LOC728743: variants seen among roughly 807,000 people sequenced by gnomAD.
the LOC728743 span, among the ~76,000 whole-genome samples, chr7:150,401,174 ATTTC>A: frequency 6.6e-6 from 1 of 152,170 alleles, no homozygotes; most frequent in African/African-American, 2.4e-5. Flanking sequence ...TCATCCTTGT[ATTTC>A]TTTGTTAGGA....
the LOC728743 span, among the ~76,000 whole-genome samples, chr7:150,409,703 G>T: frequency 2.6e-5 from 4 of 152,214 alleles, no homozygotes; most frequent in South Asian, 8.3e-4. Context: ...GTGTTTGAAG[G>T]GGACATGGCA....
At chr7:150,412,068 A>G in the LOC728743 span, 5 of 152,412 alleles carry the variant, frequency 3.3e-5, no homozygotes, top group Admixed American at 6.5e-5. Flanking sequence ...CTAACTAGAC[A>G]GTTAGCTCCC....
the LOC728743 span, chr7:150,408,587 G>A: frequency 5.5e-6 from 1 of 182,054 alleles, no homozygotes; most frequent in Non-Finnish European, 1.1e-5. Flanking sequence ...GGCGGTCTGG[G>A]TACCGGGCTG....
At chr7:150,403,995 G>C in the LOC728743 span, among the ~76,000 whole-genome samples, 1 of 152,222 alleles carries the variant, frequency 6.6e-6, no homozygotes, top group Non-Finnish European at 1.5e-5. This position sits in a 1 kb window ranked among gnomAD's most constrained non-coding sequence, Gnocchi z 5.1. Flanking sequence ...AGAAGGCACA[G>C]TGGGCACCTG....
chr7:150,407,917 C>T, the LOC728743 span: 3 of 414,526 alleles, frequency 7.2e-6, no homozygotes, highest in Non-Finnish European at 8.6e-6. Flanking sequence ...CCGAGTGCGG[C>T]CGCTGCTTCA....
the LOC728743 span, chr7:150,408,175 C>T: frequency 2.5e-6 from 1 of 392,428 alleles, no homozygotes. Flanking sequence ...AGCGCAGCCA[C>T]GGCCACGGGC....
chr7:150,408,451 C>G, the LOC728743 span: 1 of 340,360 alleles, frequency 2.9e-6, no homozygotes, highest in East Asian at 4.5e-5. Flanking sequence ...CGGCTCCTGC[C>G]ATGGTTCTCC....
chr7:150,401,045 G>A, the LOC728743 span: 2 of 152,210 alleles, frequency 1.3e-5, no homozygotes, highest in African/African-American at 4.8e-5. Flanking sequence ...GTGGCCACGT[G>A]GTCACAGATG....
At chr7:150,406,124 G>A in the LOC728743 span, among the ~76,000 whole-genome samples, 1 of 152,318 alleles carries the variant, frequency 6.6e-6, no homozygotes, top group East Asian at 1.9e-4. Flanking sequence ...TTGCAAGTAG[G>A]ACTTGTCTCC....
the LOC728743 span, chr7:150,407,977 G>A: frequency 2.7e-4 from 108 of 402,974 alleles, no homozygotes; most frequent in East Asian, 3.8e-3. Context: ...GCGGCGAGAA[G>A]CCGCACCAGT....
the LOC728743 span, chr7:150,408,227 G>T: frequency 2.6e-6 from 1 of 390,318 alleles, no homozygotes; most frequent in Non-Finnish European, 4.5e-6. Flanking sequence ...GCTATGATGC[G>T]CCCGGGGCCT....
At chr7:150,407,479 T>G in the LOC728743 span, 29 of 397,370 alleles carry the variant, frequency 7.3e-5, no homozygotes, top group African/African-American at 6.0e-4. Flanking sequence ...AGGTGGAGGT[T>G]GTGGGAGGTG....
chr7:150,406,398 T>G, the LOC728743 span, among the ~76,000 whole-genome samples: 3 of 152,132 alleles, frequency 2.0e-5, no homozygotes, highest in Non-Finnish European at 2.9e-5. Flanking sequence ...GAAGTGGCCC[T>G]TTGGAATGCA....
the LOC728743 span, among the ~76,000 whole-genome samples, chr7:150,407,111 G>GCTGAAA: frequency 6.6e-6 from 1 of 152,182 alleles, no homozygotes; most frequent in Non-Finnish European, 1.5e-5. Flanking sequence ...GAAAATCCTA[G>GCTGAAA]CTGAAACTGA....
At chr7:150,409,959 C>T in the LOC728743 span, among the ~76,000 whole-genome samples, 2 of 152,122 alleles carry the variant, frequency 1.3e-5, no homozygotes, top group Non-Finnish European at 2.9e-5. Flanking sequence ...ACCAAAATGC[C>T]CTGAACCCAA....
chr7:150,401,018 G>T, the LOC728743 span: 1 of 152,232 alleles, frequency 6.6e-6, no homozygotes, highest in Non-Finnish European at 1.5e-5. Flanking sequence ...GTAAGTGCAG[G>T]TCTGCAGTGG....
At chr7:150,405,708 G>A in the LOC728743 span, 1 of 152,192 alleles carries the variant, frequency 6.6e-6, no homozygotes, top group African/African-American at 2.4e-5. Flanking sequence ...AAGGTCGGGT[G>A]GGGTGGGGTC....
the LOC728743 span, chr7:150,412,156 C>T: frequency 2.6e-5 from 4 of 152,358 alleles, no homozygotes; most frequent in African/African-American, 9.7e-5. Context: ...TCTCAGGAAA[C>T]ACTTGTCGGC....
At chr7:150,403,513 G>A in the LOC728743 span, among the ~76,000 whole-genome samples, 1 of 152,250 alleles carries the variant, frequency 6.6e-6, no homozygotes, top group African/African-American at 2.4e-5. The surrounding 1 kb of genome is among the most constrained non-coding windows in gnomAD (Gnocchi z 5.1). Flanking sequence ...GGTCTGCAGA[G>A]GAGATGAACA....
Sources: allele counts gnomAD v4.1 joint callset (sites outside exome capture counted in the v4.1 genomes callset), GRCh38; gene constraint gnomAD v4.1.1; non-coding constraint Gnocchi (gnomAD v3.1); transcripts MANE v1.5.